Variants in SSBP2 observed in about 807,000 individuals in gnomAD.
SSBP2 encodes the protein single stranded DNA binding protein 2.
SSBP2 carries 17 observed loss-of-function variants against 61.8 expected under a neutral mutation model. That is an observed-to-expected ratio of 0.28 (90% CI 0.19 to 0.41). SSBP2 has a LOEUF of 0.41. Among genes scored for constraint, SSBP2 ranks in the 10% least tolerant of loss-of-function variants. The pLI, the probability that SSBP2 is intolerant of heterozygous loss-of-function variation, is 1.00. For synonymous variants in SSBP2, 139 were observed against 141.3 expected (o/e 0.98, Z 0.12); for missense variants, 310 against 458.7 (o/e 0.68, Z 2.96).
intron 9 of SSBP2, among the ~76,000 whole-genome samples, chr5:81,464,657 C>T (rs1364590451): frequency 6.6e-6 from 1 of 152,044 alleles, no homozygotes; most frequent in East Asian, 1.9e-4. Flanking sequence ...GAAAAAATGA[C>T]AAGCTAAAGA....
At chr5:81,616,198 A>C (rs1233897041) in intron 3 of SSBP2, 3 of 151,276 alleles carry the variant, frequency 2.0e-5, no homozygotes, top group African/African-American at 4.9e-5. Context: ...TACCGGGTTC[A>C]TCTCACTAGG....
intron 5 of SSBP2, among the ~76,000 whole-genome samples, chr5:81,506,144 TG>T (rs1209651540): frequency 9.2e-5 from 14 of 152,286 alleles, no homozygotes; most frequent in Non-Finnish European, 1.9e-4. Flanking sequence ...TAGGCACCTT[TG>T]TTTTTTTAGT....
upstream of SSBP2, chr5:81,751,326 C>A: frequency 1.8e-6 from 1 of 546,978 alleles, no homozygotes; most frequent in East Asian, 3.1e-5. Flanking sequence ...CCGCTCTCCT[C>A]CCTCCACCCG....
At chr5:81,435,667 TA>T (rs1762630541) in intron 15 of SSBP2, among the ~76,000 whole-genome samples, 10 of 152,134 alleles carry the variant, frequency 6.6e-5, no homozygotes, top group Admixed American at 6.5e-4. Context: ...TAAACTTTTA[TA>T]AATTATAAAG....
At chr5:81,665,400 C>T (rs555883327) in intron 1 of SSBP2, among the ~76,000 whole-genome samples, 3 of 152,298 alleles carry the variant, frequency 2.0e-5, no homozygotes, top group African/African-American at 7.2e-5. Flanking sequence ...ATTCCACTTC[C>T]TATCCTACAC....
chr5:81,692,354 A>G (rs990593421), intron 1 of SSBP2, among the ~76,000 whole-genome samples: 8 of 151,882 alleles, frequency 5.3e-5, no homozygotes, highest in Admixed American at 4.6e-4. Flanking sequence ...GAAATTGAAG[A>G]GGACAACAAA....
intron 1 of SSBP2, among the ~76,000 whole-genome samples, chr5:81,745,633 C>T (rs1757309320): frequency 6.6e-6 from 1 of 151,996 alleles, no homozygotes; most frequent in Non-Finnish European, 1.5e-5. Flanking sequence ...AACATACACA[C>T]AATAATAGAG....
intron 1 of SSBP2, among the ~76,000 whole-genome samples, chr5:81,729,010 A>T (rs564383526): frequency 6.6e-6 from 1 of 152,208 alleles, no homozygotes; most frequent in Non-Finnish European, 1.5e-5. Flanking sequence ...CACCATAAAA[A>T]ATGATAGGTA....
At chr5:81,586,353 T>C (rs1238272731) in intron 4 of SSBP2, among the ~76,000 whole-genome samples, 1 of 152,184 alleles carries the variant, frequency 6.6e-6, no homozygotes, top group Non-Finnish European at 1.5e-5. Context: ...TAATAGGTGT[T>C]AGGTGATATC....
At chr5:81,605,500 G>C (rs1185502671) in intron 4 of SSBP2, among the ~76,000 whole-genome samples, 1 of 151,978 alleles carries the variant, frequency 6.6e-6, no homozygotes, top group African/African-American at 2.4e-5. Context: ...AGTGAGGTAA[G>C]CATCTGCTGC....
At chr5:81,652,884 C>A in intron 1 of SSBP2, among the ~76,000 whole-genome samples, 1 of 151,512 alleles carries the variant, frequency 6.6e-6, no homozygotes, top group Non-Finnish European at 1.5e-5. Context: ...AATTTGTAGT[C>A]TTTTATCCCT....
chr5:81,747,752 A>G (rs1757449216), intron 1 of SSBP2, among the ~76,000 whole-genome samples: 1 of 152,204 alleles, frequency 6.6e-6, no homozygotes, highest in Non-Finnish European at 1.5e-5. Flanking sequence ...TCCTACCCTC[A>G]ACAAACTTAT....
At chr5:81,660,000 A>C (rs1269361596) in intron 1 of SSBP2, among the ~76,000 whole-genome samples, 1 of 152,096 alleles carries the variant, frequency 6.6e-6, no homozygotes, top group Non-Finnish European at 1.5e-5. Context: ...CCTTCCTTAC[A>C]CCTTACAAAA....
intron 4 of SSBP2, among the ~76,000 whole-genome samples, chr5:81,585,710 C>G (rs1204282576): frequency 2.0e-5 from 3 of 152,056 alleles, no homozygotes; most frequent in African/African-American, 7.2e-5. Flanking sequence ...TTCAAGTATA[C>G]ATTATTATTA....
intron 2 of SSBP2, among the ~76,000 whole-genome samples, chr5:81,642,566 T>C (rs1748886062): frequency 6.6e-6 from 1 of 152,210 alleles, no homozygotes; most frequent in African/African-American, 2.4e-5. Context: ...AAAAGACATG[T>C]CTTGTGGTTT....
chr5:81,444,545 C>T (rs13165194), intron 12 of SSBP2, among the ~76,000 whole-genome samples: 37,177 of 152,030 alleles, frequency 0.24, 4,868 homozygotes, highest in Non-Finnish European at 0.3. Context: ...AGGAAAGGAC[C>T]GTGTCTTACT....
At chr5:81,649,370 C>T (rs965523352) in intron 2 of SSBP2, among the ~76,000 whole-genome samples, 1 of 152,040 alleles carries the variant, frequency 6.6e-6, no homozygotes, top group African/African-American at 2.4e-5. Flanking sequence ...AAATTCCAGC[C>T]AACCTAGGTG....
chr5:81,445,666 G>A (rs1027738375), intron 12 of SSBP2, among the ~76,000 whole-genome samples: 1 of 151,880 alleles, frequency 6.6e-6, no homozygotes, highest in Non-Finnish European at 1.5e-5. Context: ...AAATTGAAAG[G>A]GCTCAAAATT....
At chr5:81,496,196 T>C (rs191689787) in intron 5 of SSBP2, among the ~76,000 whole-genome samples, 1 of 152,324 alleles carries the variant, frequency 6.6e-6, no homozygotes, top group East Asian at 1.9e-4. Flanking sequence ...CTTTTTTTTT[T>C]TGAGACGGAG....
Sources: gnomAD v4.1 joint callset for allele counts (sites outside exome capture counted in the v4.1 genomes callset) on GRCh38, gnomAD v4.1.1 for gene constraint, MANE v1.5 for transcripts, NCBI Gene and HGNC (gene_info 2026-07-23, HGNC 2026-07-21) for gene names.